The following DSCAML1 variants were observed in gnomAD, a reference collection of about 807,000 sequenced individuals.
DSCAML1 encodes cell adhesion molecule DSCAML1.
In DSCAML1, 38 loss-of-function variants were observed where a neutral mutation model predicts 200.5. The observed-to-expected ratio is 0.19, with a 90% CI of 0.15 to 0.25. DSCAML1 has a LOEUF of 0.25. Among genes scored for constraint, DSCAML1 ranks in the 10% least tolerant of loss-of-function variants. The pLI is 1.00. For synonymous variants in DSCAML1, 1,215 were observed against 1,165.0 expected, an observed-to-expected ratio of 1.04 and a Z score of -0.87; for missense variants, 2,223 against 2,858.8, an observed-to-expected ratio of 0.78 and a Z score of 5.07.
intron 3 of DSCAML1, among the ~76,000 whole-genome samples, chr11:117,640,201 C>T (rs1435757708): frequency 2.6e-5 from 4 of 152,218 alleles, no homozygotes; most frequent in African/African-American, 9.6e-5. Flanking sequence ...CCTCATCCCA[C>T]TTGCCACTCC....
chr11:117,578,236 GAA>G (rs59533726), intron 3 of DSCAML1, among the ~76,000 whole-genome samples: 1 of 101,398 alleles, frequency 9.9e-6, no homozygotes, highest in Non-Finnish European at 1.8e-5. Flanking sequence ...ACTCTGTCTC[GAA>G]AAAAAAAAAA....
At chr11:117,815,838 C>G (rs2134092814) in intron 1 of DSCAML1, among the ~76,000 whole-genome samples, 1 of 150,930 alleles carries the variant, frequency 6.6e-6, no homozygotes, top group South Asian at 2.1e-4. Flanking sequence ...TGGTCTCCCG[C>G]CCTGCCAGGG....
chr11:117,508,899 T>G (rs2049561877), intron 8 of DSCAML1, among the ~76,000 whole-genome samples: 2 of 152,218 alleles, frequency 1.3e-5, no homozygotes, highest in South Asian at 4.1e-4. Flanking sequence ...AAGGTTTAGT[T>G]CAGGCAAGAA....
chr11:117,593,780 C>T (rs555974447), intron 3 of DSCAML1, among the ~76,000 whole-genome samples: 5 of 150,096 alleles, frequency 3.3e-5, no homozygotes, highest in South Asian at 2.1e-4. Context: ...GGCGTGATCT[C>T]GGCTCACTGC....
In DSCAML1 at chr11:117,543,877, T is replaced by G. The variant is rs35304140; in HGVS notation, c.512-11355A>C. ...AGGCAGGTCTATGATGCGTATGTAG[T>G]GCATAGGTATTCACATGGGGTTGGG... On this transcript the variant is annotated intron_variant, in intron 3 of 32. Transcript: ENST00000651296. 3.9e-4 allele frequency among the ~76,000 whole-genome samples: 59 copies of G among 152,238 alleles called. No homozygotes were observed. The East Asian group carries it at 0.011, about 28-fold the overall frequency.
intron 3 of DSCAML1, among the ~76,000 whole-genome samples, chr11:117,759,890 C>T (rs2054769290): frequency 6.6e-6 from 1 of 152,182 alleles, no homozygotes; most frequent in African/African-American, 2.4e-5. Flanking sequence ...ATTTATACCA[C>T]TTTTAATTGT....
intron 18 of DSCAML1, among the ~76,000 whole-genome samples, chr11:117,461,181 C>T (rs2048475302): frequency 6.6e-6 from 1 of 152,036 alleles, no homozygotes; most frequent in Non-Finnish European, 1.5e-5. Flanking sequence ...CCAGAGATGC[C>T]ACCCTAGGTA....
At chr11:117,613,674 C>A (rs574443191) in intron 3 of DSCAML1, among the ~76,000 whole-genome samples, 4 of 152,178 alleles carry the variant, frequency 2.6e-5, no homozygotes, top group Non-Finnish European at 5.9e-5. Context: ...GAGACTTTAC[C>A]GCGTTAGGCA....
chr11:117,438,354 AG>A (rs2047967206), intron 24 of DSCAML1, among the ~76,000 whole-genome samples: 1 of 152,094 alleles, frequency 6.6e-6, no homozygotes, highest in African/African-American at 2.4e-5. Flanking sequence ...TTCTAGTGTT[AG>A]GGGTTAGCGG....
At chr11:117,444,799 G>A (rs1691245890) in intron 20 of DSCAML1, among the ~76,000 whole-genome samples, 1 of 152,192 alleles carries the variant, frequency 6.6e-6, no homozygotes, top group African/African-American at 2.4e-5. Flanking sequence ...AAATGAATTT[G>A]AGAAGGAGCT....
rs776318651 is a variant in DSCAML1 at position 117,428,282 on chromosome 11, G to A, written c.*46C>T. The A allele has an allele frequency of 1.8e-6, 2 of 1,090,734 alleles. No homozygotes were observed. Among genetic ancestry groups the A allele is most frequent in the African/African-American group, 1.6e-5 (1 of 62,732 alleles). 67.6% of individuals were successfully genotyped at this position (1,090,734 alleles called of 1,614,324 possible). ...AAAAACAGCCGAGCTGGCGTGTGGGGCTGCGGCGCGGCGCGGTCCAGGCGT... is the reference window on the plus strand; with the variant it reads ...AAAAACAGCCGAGCTGGCGTGTGGGACTGCGGCGCGGCGCGGTCCAGGCGT... On this transcript the variant is annotated 3_prime_UTR_variant, in exon 33 of 33. Transcript: ENST00000651296.
rs532136039 is a variant in DSCAML1 at position 117,514,572 on chromosome 11, CTTTTTTTTTTTT to C, written c.1783+1883_1783+1894del. Among the ~76,000 whole-genome samples, 9 of 98,292 alleles carry C rather than the reference CTTTTTTTTTTTT, an allele frequency of 9.2e-5. No homozygotes were observed. In the East Asian group the frequency reaches 1.2e-3, roughly 13 times the overall value. The allele number at this position is 98,292 out of a possible 152,430, so 64.5% of individuals were successfully genotyped here. A position where few individuals can be genotyped will look rare whatever the true frequency, so the allele number is the denominator to read the frequency against. ...TTTACTTAACTTTTCTTTTCTTTTT[CTTTTTTTTTTTT>C]TTTTTTTTTTTTTTTGAGATGGAGT... On this transcript the variant is annotated intron_variant, in intron 8 of 32. Transcript: ENST00000651296.
chr11:117,515,663 C>T (rs2049749984), intron 8 of DSCAML1, among the ~76,000 whole-genome samples: 1 of 131,434 alleles, frequency 7.6e-6, no homozygotes, highest in African/African-American at 3.0e-5. Context: ...TCTTGTTGCC[C>T]AGGCTGGAGT....
intron 3 of DSCAML1, among the ~76,000 whole-genome samples, chr11:117,687,171 G>C (rs721487): frequency 6.6e-6 from 1 of 152,094 alleles, no homozygotes; most frequent in African/African-American, 2.4e-5. Flanking sequence ...GCGGGAGGAG[G>C]CAAGCCAAAG....
intron 3 of DSCAML1, among the ~76,000 whole-genome samples, chr11:117,603,711 T>C (rs1316876521): frequency 1.3e-5 from 2 of 152,192 alleles, no homozygotes; most frequent in Non-Finnish European, 2.9e-5. Flanking sequence ...GTAAGGCCAA[T>C]AGTGGAATCA....
chr11:117,519,303 A>T (rs948331102), intron 6 of DSCAML1, among the ~76,000 whole-genome samples: 16 of 152,180 alleles, frequency 1.1e-4, no homozygotes, highest in Admixed American at 6.5e-4. Context: ...TGGCGCTGCA[A>T]CCCTGTTAGC....
At position 117,581,419 on chromosome 11, in the gene DSCAML1, T is replaced by A. The variant is rs77034073; in HGVS notation, c.512-48897A>T. Among the ~76,000 whole-genome samples, 1,135 of 152,206 alleles carry A rather than the reference T, an allele frequency of 7.5e-3. 11 individuals carry two copies. The highest frequency in any genetic ancestry group is 0.024 in the South Asian group (118 of 4,822). On this transcript the variant is annotated intron_variant, in intron 3 of 32. Coordinates refer to ENST00000651296, the MANE Select transcript of DSCAML1 (RefSeq NM_020693.4). ...GCAATCAAGATACAGAACAGTTCCATCCCCTGCCAAACCCCTTCGTGTCCC... is the reference window on the plus strand; with the variant it reads ...GCAATCAAGATACAGAACAGTTCCAACCCCTGCCAAACCCCTTCGTGTCCC...
chr11:117,786,859 G>C (rs2055363648), intron 1 of DSCAML1, among the ~76,000 whole-genome samples: 1 of 152,170 alleles, frequency 6.6e-6, no homozygotes, highest in African/African-American at 2.4e-5. Flanking sequence ...TCAGAGACAG[G>C]CAAGATCCTT....
chr11:117,739,231 A>T (rs943811577), intron 3 of DSCAML1, among the ~76,000 whole-genome samples: 2 of 152,312 alleles, frequency 1.3e-5, no homozygotes, highest in South Asian at 4.1e-4. Flanking sequence ...CCTGACTCCC[A>T]CTGCACAGGC....
Sources: gnomAD v4.1 joint callset for allele counts (sites outside exome capture counted in the v4.1 genomes callset) on GRCh38, gnomAD v4.1.1 for gene constraint, MANE v1.5 for transcripts, NCBI Gene and HGNC (gene_info 2026-07-23, HGNC 2026-07-21) for gene names.